Variants in CA10 observed in about 807,000 individuals in gnomAD.
The protein encoded by CA10 is carbonic anhydrase-related protein 10.
A neutral mutation model predicts 44.2 loss-of-function variants in CA10; 14 were observed. The observed-to-expected ratio is 0.32, with a 90% confidence interval of 0.21 to 0.50. CA10 has a LOEUF of 0.50. CA10 is among the 20% of genes least tolerant of loss of function. The pLI, the probability that CA10 is intolerant of heterozygous loss-of-function variation, is 0.99. For missense variants in CA10, 350 were observed against 409.7 expected, an observed-to-expected ratio of 0.85 and a Z score of 1.26; for synonymous variants, 159 against 141.6, an observed-to-expected ratio of 1.12 and a Z score of -0.87.
intron 2 of CA10, among the ~76,000 whole-genome samples, chr17:52,056,240 C>T (rs376597543): frequency 2.6e-5 from 4 of 151,848 alleles, no homozygotes; most frequent in South Asian, 2.1e-4. Flanking sequence ...ATTGGAAAGG[C>T]GACAAGGGCA....
intron 1 of CA10, among the ~76,000 whole-genome samples, chr17:52,083,821 G>T (rs9904853): frequency 0.51 from 78,039 of 151,892 alleles, 21,060 homozygotes; most frequent in African/African-American, 0.67. Flanking sequence ...CATTGATAGA[G>T]ACTTATGTTG....
At position 52,077,302 on chromosome 17, in the gene CA10, T is replaced by C. The variant is rs1010913688; in HGVS notation, c.62-4909A>G. Among the ~76,000 whole-genome samples, 5 of 152,164 alleles carry C rather than the reference T, an allele frequency of 3.3e-5. No homozygotes were observed. In the East Asian group the frequency reaches 9.6e-4, roughly 29 times the overall value. On this transcript the variant is annotated intron_variant, in intron 1 of 8. Transcript: ENST00000451037. The stretch of plus-strand genomic sequence containing the variant: ...TGGATGGAACAGAGGCTTTTGGTGA[T>C]CCCTTCTTGCACAGAGAAGGGAACC...
chr17:51,968,255 A>C (rs1050186533), intron 2 of CA10, among the ~76,000 whole-genome samples: 1 of 151,670 alleles, frequency 6.6e-6, no homozygotes, highest in Non-Finnish European at 1.5e-5. Flanking sequence ...CTGTATGCAG[A>C]TATTTATAGC....
chr17:52,132,303 G>A (rs762966864), intron 1 of CA10, among the ~76,000 whole-genome samples: 8 of 152,140 alleles, frequency 5.3e-5, no homozygotes, highest in Non-Finnish European at 1.2e-4. Flanking sequence ...GGTTTGACTG[G>A]AGAGGCACTG....
At chr17:51,639,420 A>G (rs556895756) in intron 6 of CA10, among the ~76,000 whole-genome samples, 1 of 152,228 alleles carries the variant, frequency 6.6e-6, no homozygotes, top group East Asian at 1.9e-4. Context: ...TGCTGCAGCT[A>G]TATTTGTGGA....
At chr17:51,960,131 T>C (rs1983832018) in intron 2 of CA10, among the ~76,000 whole-genome samples, 1 of 150,988 alleles carries the variant, frequency 6.6e-6, no homozygotes, top group South Asian at 2.1e-4. Context: ...AACTAAAAAA[T>C]AAACTGGATG....
intron 2 of CA10, among the ~76,000 whole-genome samples, chr17:52,061,831 T>C (rs766493718): frequency 5.9e-5 from 9 of 152,158 alleles, no homozygotes; most frequent in Non-Finnish European, 1.0e-4. Flanking sequence ...TCTTGGGTAG[T>C]ATCCTTATAG....
intron 1 of CA10, among the ~76,000 whole-genome samples, chr17:52,149,638 G>C (rs1989662086): frequency 6.6e-6 from 1 of 152,210 alleles, no homozygotes; most frequent in South Asian, 2.1e-4. Flanking sequence ...CAATGAGTAA[G>C]ATGATAATAG....
chr17:51,852,602 T>C (rs1235718926), intron 3 of CA10, among the ~76,000 whole-genome samples: 1 of 152,164 alleles, frequency 6.6e-6, no homozygotes, highest in African/African-American at 2.4e-5. Context: ...TGAATCTAAA[T>C]GTCCTATGCT....
At chr17:51,636,745 T>G (rs1455909574) in intron 6 of CA10, among the ~76,000 whole-genome samples, 2 of 150,888 alleles carry the variant, frequency 1.3e-5, no homozygotes, top group Non-Finnish European at 2.9e-5. Flanking sequence ...TACCATGAGA[T>G]TCTATGGTTA....
At chr17:51,753,754 T>A (rs1904976115) in intron 3 of CA10, among the ~76,000 whole-genome samples, 1 of 152,218 alleles carries the variant, frequency 6.6e-6, no homozygotes, top group Non-Finnish European at 1.5e-5. Context: ...AGAAGCAAAC[T>A]GCCATCAGTC....
intron 2 of CA10, among the ~76,000 whole-genome samples, chr17:51,978,378 C>CTGTA (rs915098318): frequency 6.8e-6 from 1 of 147,460 alleles, no homozygotes; most frequent in Non-Finnish European, 1.5e-5. Context: ...GTGTGTGTGT[C>CTGTA]TGTATGTGTG....
At chr17:51,825,708 CTA>C (rs1907983122) in intron 3 of CA10, among the ~76,000 whole-genome samples, 1 of 152,212 alleles carries the variant, frequency 6.6e-6, no homozygotes. Flanking sequence ...AGTGTCTTGC[CTA>C]TGACTCTCTC....
intron 4 of CA10, among the ~76,000 whole-genome samples, chr17:51,661,113 G>GATGAATGC (rs1443346240): frequency 6.6e-6 from 1 of 152,084 alleles, no homozygotes; most frequent in Non-Finnish European, 1.5e-5. Flanking sequence ...TTGTGTGACT[G>GATGAATGC]ATGAATGCTC....
intron 3 of CA10, among the ~76,000 whole-genome samples, chr17:51,852,015 G>T (rs1017231503): frequency 6.6e-6 from 1 of 152,136 alleles, no homozygotes; most frequent in African/African-American, 2.4e-5. Flanking sequence ...ACTTCTAGTT[G>T]AAAGGGCTTA....
intron 6 of CA10, among the ~76,000 whole-genome samples, chr17:51,642,029 G>A (rs1183818947): frequency 6.6e-6 from 1 of 152,122 alleles, no homozygotes; most frequent in Admixed American, 6.5e-5. Context: ...CTTGTAATCT[G>A]AGGCAAATTC....
intron 4 of CA10, among the ~76,000 whole-genome samples, chr17:51,678,065 G>T (rs538417644): frequency 7.9e-5 from 12 of 152,168 alleles, no homozygotes; most frequent in Non-Finnish European, 1.6e-4. Context: ...CCATGAAAAG[G>T]AAGAAATGAC....
chr17:52,063,233 T>C (rs1375973297), intron 2 of CA10, among the ~76,000 whole-genome samples: 1 of 152,202 alleles, frequency 6.6e-6, no homozygotes, highest in Non-Finnish European at 1.5e-5. Flanking sequence ...AGTAGATGAA[T>C]TGCTTTTGAT....
At chr17:51,866,794 G>C (rs1458357031) in intron 3 of CA10, among the ~76,000 whole-genome samples, 1 of 152,126 alleles carries the variant, frequency 6.6e-6, no homozygotes, top group Admixed American at 6.6e-5. Flanking sequence ...ATTTTGTAAA[G>C]CTTAGCAGAA....
Sources: allele counts gnomAD v4.1 joint callset (sites outside exome capture counted in the v4.1 genomes callset), GRCh38; gene constraint gnomAD v4.1.1; transcripts MANE v1.5; gene names NCBI Gene and HGNC (gene_info 2026-07-23, HGNC 2026-07-21).